UBE4B: variants seen among roughly 807,000 people sequenced by gnomAD.
UBE4B encodes ubiquitin conjugation factor E4 B.
In UBE4B, 27 loss-of-function variants were observed where a neutral mutation model predicts 148.1. That is an observed-to-expected ratio of 0.18 (90% CI 0.13 to 0.25). The LOEUF (loss-of-function observed/expected upper bound fraction) is 0.25. Ranked by LOEUF, UBE4B falls within the 10% of genes least tolerant of loss-of-function variation. The pLI is 1.00. For synonymous variants in UBE4B, 596 were observed against 619.3 expected (o/e 0.96, Z 0.56); for missense variants, 1,170 against 1,662.4 (o/e 0.70, Z 5.15).
intron 2 of UBE4B, among the ~76,000 whole-genome samples, chr1:10,090,213 G>C (rs6702986): frequency 0.026 from 3,906 of 152,034 alleles, 161 homozygotes; most frequent in African/African-American, 0.09. Context: ...TCAGCCTCCT[G>C]GGCTCAGGTG....
chr1:10,047,937 C>T (rs1032297801), intron 1 of UBE4B, among the ~76,000 whole-genome samples: 1 of 152,184 alleles, frequency 6.6e-6, no homozygotes, highest in Non-Finnish European at 1.5e-5. Context: ...AGTGCAGCCT[C>T]TAACTCCTGG....
chr1:10,054,731 T>A (rs900376532), intron 1 of UBE4B: 10 of 229,106 alleles, frequency 4.4e-5, no homozygotes, highest in African/African-American at 2.1e-4. Context: ...TTGCGGGGCA[T>A]TTTTTTTGGA....
chr1:10,068,674 C>T (rs540819861), intron 1 of UBE4B, among the ~76,000 whole-genome samples: 3 of 150,084 alleles, frequency 2.0e-5, no homozygotes, highest in African/African-American at 4.9e-5. Flanking sequence ...TTAGTAGAGC[C>T]GGTGTTTCTC....
intron 22 of UBE4B, among the ~76,000 whole-genome samples, chr1:10,159,634 G>A (rs994034500): frequency 1.4e-4 from 21 of 152,288 alleles, no homozygotes; most frequent in Middle Eastern, 3.4e-3. Context: ...GCAGTGAGCC[G>A]AGATGGTGCC....
At chr1:10,111,198 G>C (rs1028805807) in intron 7 of UBE4B, among the ~76,000 whole-genome samples, 1 of 149,238 alleles carries the variant, frequency 6.7e-6, no homozygotes, top group African/African-American at 2.5e-5. Flanking sequence ...TGCATCTCAC[G>C]TACACTCCAC....
At chr1:10,061,067 T>G (rs1005127965) in intron 1 of UBE4B, among the ~76,000 whole-genome samples, 2 of 145,292 alleles carry the variant, frequency 1.4e-5, no homozygotes, top group African/African-American at 2.5e-5. Context: ...CTGTTTTCTG[T>G]TTTTTTTTTT....
At chr1:10,157,016 G>GT (rs1449512287) in intron 21 of UBE4B, among the ~76,000 whole-genome samples, 8 of 151,734 alleles carry the variant, frequency 5.3e-5, no homozygotes, top group Non-Finnish European at 8.8e-5. Context: ...AAAATTAAAA[G>GT]TGAAAAAAAA....
intron 25 of UBE4B, 23 bp from the exon 26 acceptor site, chr1:10,178,621 A>G: frequency 6.4e-7 from 1 of 1,568,156 alleles, no homozygotes; most frequent in Non-Finnish European, 8.6e-7. Flanking sequence ...TTTACGTCTC[A>G]CATTGCCATT....
At chr1:10,104,246 A>T (rs894608767) in intron 5 of UBE4B, among the ~76,000 whole-genome samples, 1 of 152,154 alleles carries the variant, frequency 6.6e-6, no homozygotes, top group Admixed American at 6.5e-5. Flanking sequence ...CTGATATTCC[A>T]CTTTAAGAGG....
chr1:10,083,807 C>T (rs749716022), intron 2 of UBE4B, among the ~76,000 whole-genome samples: 2 of 152,254 alleles, frequency 1.3e-5, no homozygotes, highest in Admixed American at 1.3e-4. Flanking sequence ...GGTACTTCCT[C>T]GAATTGGACT....
intron 1 of UBE4B, among the ~76,000 whole-genome samples, chr1:10,070,610 T>A (rs1426627008): frequency 1.3e-5 from 2 of 152,158 alleles, no homozygotes; most frequent in African/African-American, 4.8e-5. Flanking sequence ...CCACTCTGTT[T>A]TTTTTACATC....
At position 10,075,117 on chromosome 1, in the gene UBE4B, T is replaced by C. The variant is rs538273890; in HGVS notation, c.211+2903T>C. The stretch of plus-strand genomic sequence containing the variant: ...GTTAAGGGCCAGATAGTAAATATTT[T>C]TGGCTTTGGAGGCTGTGAGGTTAGA... On this transcript the variant is annotated intron_variant, in intron 2 of 27. Coordinates refer to ENST00000343090, the MANE Select transcript of UBE4B (RefSeq NM_001105562.3). 2.0e-5 allele frequency among the ~76,000 whole-genome samples: 3 copies of C among 152,338 alleles called. No individual in the cohort carries two copies. In the South Asian group the frequency reaches 6.2e-4, roughly 32 times the overall value.
At chr1:10,157,755 G>A (rs377505339) in intron 21 of UBE4B, among the ~76,000 whole-genome samples, 33 of 152,060 alleles carry the variant, frequency 2.2e-4, no homozygotes, top group African/African-American at 7.7e-4. Flanking sequence ...CCAGCCTGGC[G>A]ACAGAGCGGG....
intron 2 of UBE4B, among the ~76,000 whole-genome samples, chr1:10,086,045 T>C (rs576685134): frequency 1.9e-3 from 294 of 151,730 alleles, no homozygotes; most frequent in African/African-American, 6.1e-3. Flanking sequence ...AATCTCCGCT[T>C]ACTGCAAGCT....
At chr1:10,080,866 C>G (rs1008330116) in intron 2 of UBE4B, among the ~76,000 whole-genome samples, 2 of 152,064 alleles carry the variant, frequency 1.3e-5, no homozygotes, top group Non-Finnish European at 2.9e-5. Flanking sequence ...AAGTTGAACT[C>G]ATACAAATAG....
At chr1:10,061,802 G>A (rs1331500690) in intron 1 of UBE4B, among the ~76,000 whole-genome samples, 1 of 151,836 alleles carries the variant, frequency 6.6e-6, no homozygotes, top group African/African-American at 2.4e-5. Flanking sequence ...TTTGAATCTT[G>A]TTTTGCCATT....
chr1:10,142,079 G>A (rs1645792088), intron 17 of UBE4B, among the ~76,000 whole-genome samples: 1 of 151,362 alleles, frequency 6.6e-6, no homozygotes, highest in Non-Finnish European at 1.5e-5. Context: ...CACATAATTA[G>A]AGGTAGCCAC....
At chr1:10,158,001 T>C (rs1264621196) in intron 21 of UBE4B, among the ~76,000 whole-genome samples, 2 of 152,174 alleles carry the variant, frequency 1.3e-5, no homozygotes, top group South Asian at 4.1e-4. Flanking sequence ...TCCGCTGAAG[T>C]ATGTCCATTT....
At chr1:10,131,990 T>C (rs1256086139) in intron 14 of UBE4B, among the ~76,000 whole-genome samples, 3 of 148,252 alleles carry the variant, frequency 2.0e-5, no homozygotes, top group African/African-American at 7.5e-5. Context: ...ACTAGCTGGG[T>C]GTGGCGGCGT....
Sources: allele counts gnomAD v4.1 joint callset (sites outside exome capture counted in the v4.1 genomes callset), GRCh38; gene constraint gnomAD v4.1.1; transcripts MANE v1.5; gene names NCBI Gene and HGNC (gene_info 2026-07-23, HGNC 2026-07-21).